The following MYCBP2 variants were observed in gnomAD, a reference collection of about 807,000 sequenced individuals.
MYCBP2 encodes the protein MYC binding protein 2, also known as E3 ubiquitin-protein ligase MYCBP2.
Under a neutral mutation model 525.3 loss-of-function variants are expected in MYCBP2, and 120 were observed. The observed-to-expected ratio is 0.23, with a 90% CI of 0.20 to 0.27. MYCBP2 has a LOEUF of 0.27. Among genes scored for constraint, MYCBP2 ranks in the 10% least tolerant of loss-of-function variants. The pLI, the probability that MYCBP2 is intolerant of heterozygous loss-of-function variation, is 1.00. For synonymous variants in MYCBP2, 1,894 were observed against 1,955.8 expected, an observed-to-expected ratio of 0.97 and a Z score of 0.83; for missense variants, 4,149 against 5,657.1, an observed-to-expected ratio of 0.73 and a Z score of 8.55.
In MYCBP2 at chr13:77,097,425, C is replaced by T; in HGVS notation, c.9729G>A (p.Leu3243=). The T allele has an allele frequency of 1.9e-6, 3 of 1,613,494 alleles. No homozygotes were observed. The highest frequency in any genetic ancestry group is 2.5e-6 in the Non-Finnish European group (3 of 1,179,694). ...GGPEKDTICE[L]CGESHPYPVT... The stretch of plus-strand genomic sequence containing the variant: ...CCGGGTATGGATGTGACTCCCCACA[C>T]AGTTCACAGATGGTATCTTTCTCTG... Residue 3243 remains leucine (L), a synonymous_variant, in exon 56 of 83, where the codon CTG becomes CTA. Coordinates refer to ENST00000544440, the MANE Select transcript of MYCBP2 (RefSeq NM_015057.5).
At chr13:77,200,595 T>C (rs1392876897) in intron 26 of MYCBP2, among the ~76,000 whole-genome samples, 3 of 152,062 alleles carry the variant, frequency 2.0e-5, no homozygotes, top group African/African-American at 4.8e-5. Flanking sequence ...AATTGTCAGA[T>C]TTACCAAAGT....
rs200043974 is a variant in MYCBP2 at position 77,056,098 on chromosome 13, T to TGG, written c.13438-333_13438-332dup. ...CCACAAATAAGACACGCTCTGTGTT[T>TGG]GGTGTGTGTGTGTGTGTGTGTGTGT... On this transcript the variant is annotated intron_variant, in intron 79 of 82. Coordinates refer to ENST00000544440, the MANE Select transcript of MYCBP2 (RefSeq NM_015057.5). Among the ~76,000 whole-genome samples the TGG allele has an allele frequency of 6.6e-3, 718 of 108,862 alleles. 12 individuals are homozygous for TGG. The highest frequency in any genetic ancestry group is 0.021 in the African/African-American group (593 of 27,964). 71.4% of individuals were successfully genotyped at this position (108,862 alleles called of 152,430 possible). A position where few individuals can be genotyped will look rare whatever the true frequency, so the allele number is the denominator to read the frequency against.
intron 55 of MYCBP2, among the ~76,000 whole-genome samples, chr13:77,112,847 A>G (rs1386648065): frequency 6.6e-6 from 1 of 152,190 alleles, no homozygotes; most frequent in Non-Finnish European, 1.5e-5. Context: ...CAACCTTGAT[A>G]TACTTTTTTT....
intron 23 of MYCBP2, among the ~76,000 whole-genome samples, chr13:77,208,089 A>G (rs1317574716): frequency 6.6e-6 from 1 of 151,962 alleles, no homozygotes; most frequent in Non-Finnish European, 1.5e-5. Context: ...TGGATTCAGT[A>G]AGCCTAATCA....
In MYCBP2 at chr13:77,098,760, C is replaced by T. The variant is rs1229191062; in HGVS notation, c.8394G>A (p.Leu2798=). The change falls in exon 56 of 83, where the codon TTG becomes TTA. Residue 2798 remains leucine, a synonymous_variant. Coordinates refer to ENST00000544440, the MANE Select transcript of MYCBP2 (RefSeq NM_015057.5). ...TAGAAGGCATCCTCCCATCAGATTT[C>T]AATGTCTGCAAGGTGTTATGGTTGG... The part of the protein sequence containing the change: ...LSPNHNTLQT[L]KSDGRMPSSS... 7.4e-6 allele frequency: 12 copies of T among 1,613,422 alleles called. No individual in the cohort carries two copies. The highest frequency in any genetic ancestry group is 1.0e-5 in the Non-Finnish European group (12 of 1,179,710).
chr13:77,051,448 G>A (rs891290863), intron 81 of MYCBP2, among the ~76,000 whole-genome samples: 2 of 152,014 alleles, frequency 1.3e-5, no homozygotes, highest in African/African-American at 4.8e-5. Context: ...TTTTATGGCT[G>A]GTCAAACTGA....
At chr13:77,093,395 A>C in intron 58 of MYCBP2, 63 bp from the exon 59 acceptor site, 1 of 1,412,072 alleles carries the variant, frequency 7.1e-7, no homozygotes, top group East Asian at 2.4e-5. Flanking sequence ...TCCATTTTTA[A>C]TCTCTTTCAT....
intron 26 of MYCBP2, among the ~76,000 whole-genome samples, chr13:77,196,957 G>T (rs902319740): frequency 2.2e-4 from 33 of 152,324 alleles, no homozygotes; most frequent in African/African-American, 6.7e-4. Flanking sequence ...ACATTTAGAA[G>T]TCAGGAAGAT....
chr13:77,257,623 T>A (rs2072481179), intron 14 of MYCBP2, 48 bp downstream of exon 14: 1 of 1,471,854 alleles, frequency 6.8e-7, no homozygotes, highest in African/African-American at 1.4e-5. Flanking sequence ...TCTGAAAAAC[T>A]AATGAAAAGA....
intron 55 of MYCBP2, among the ~76,000 whole-genome samples, chr13:77,120,234 G>T (rs928346778): frequency 6.6e-6 from 1 of 152,108 alleles, no homozygotes; most frequent in African/African-American, 2.4e-5. Flanking sequence ...TTTACACTAT[G>T]TAAGTACAAA....
At chr13:77,270,708 C>A (rs983809021) in intron 5 of MYCBP2, among the ~76,000 whole-genome samples, 170 bp from the exon 6 acceptor site, 3 of 152,156 alleles carry the variant, frequency 2.0e-5, no homozygotes, top group Non-Finnish European at 4.4e-5. Context: ...AGAAGCAAAT[C>A]TCAAGCAAGG....
chr13:77,276,778 C>T (rs2075643808), intron 4 of MYCBP2, among the ~76,000 whole-genome samples: 1 of 150,416 alleles, frequency 6.6e-6, no homozygotes, highest in African/African-American at 2.5e-5. Flanking sequence ...GCGGTCCTCC[C>T]ACCTTAGCCT....
chr13:77,270,203 T>A, intron 6 of MYCBP2, 93 bp downstream of exon 6: 1 of 1,459,646 alleles, frequency 6.9e-7, no homozygotes, highest in East Asian at 2.3e-5. Flanking sequence ...TAAAATTAGA[T>A]CATATTCTAG....
intron 69 of MYCBP2, among the ~76,000 whole-genome samples, chr13:77,069,388 C>T (rs776853825): frequency 2.6e-5 from 4 of 152,000 alleles, no homozygotes; most frequent in Non-Finnish European, 5.9e-5. Context: ...TTTGGGAGGC[C>T]GAGGCGGGCG....
At chr13:77,250,525 T>C (rs1250812372) in intron 15 of MYCBP2, among the ~76,000 whole-genome samples, 1 of 152,202 alleles carries the variant, frequency 6.6e-6, no homozygotes, top group East Asian at 1.9e-4. Flanking sequence ...ACTAGCAATG[T>C]AGAAAATAGA....
At chr13:77,089,255 C>T (rs1486198435) in intron 60 of MYCBP2, among the ~76,000 whole-genome samples, 1 of 152,030 alleles carries the variant, frequency 6.6e-6, no homozygotes, top group Non-Finnish European at 1.5e-5. Context: ...GGTTTTGAAT[C>T]AGAGCTGAAT....
At chr13:77,138,587 A>G (rs759584751) in intron 52 of MYCBP2, among the ~76,000 whole-genome samples, 7 of 152,220 alleles carry the variant, frequency 4.6e-5, no homozygotes, top group South Asian at 2.1e-4. Context: ...AGTGTGGGTT[A>G]TTATTATACT....
chr13:77,254,440 T>C (rs2071795444), intron 14 of MYCBP2, among the ~76,000 whole-genome samples: 1 of 151,880 alleles, frequency 6.6e-6, no homozygotes, highest in African/African-American at 2.4e-5. Flanking sequence ...TATTTCAATA[T>C]GTTCTGTACT....
rs751785432 is a variant in MYCBP2 at position 77,288,284 on chromosome 13, G to A, written c.471C>T (p.Cys157=). The A allele has an allele frequency of 2.1e-5, 34 of 1,613,994 alleles. No individual in the cohort carries two copies. The highest frequency in any genetic ancestry group is 2.5e-5 in the Non-Finnish European group (30 of 1,180,006). The change falls in exon 3 of 83, where the codon TGC becomes TGT. Residue 157 remains cysteine (C), a synonymous_variant. Coordinates refer to ENST00000544440, the MANE Select transcript of MYCBP2 (RefSeq NM_015057.5). ...AFNIYCNVRH[C]VLEWQKKEIS... ...TTTCCTTTTTCTGCCATTCCAGAAC[G>A]CAATGGCGTACATTACAGTAAATAT... is the stretch of plus-strand genomic sequence containing the variant.
Sources: allele counts gnomAD v4.1 joint callset (sites outside exome capture counted in the v4.1 genomes callset), GRCh38; gene constraint gnomAD v4.1.1; transcripts MANE v1.5; gene names NCBI Gene and HGNC (gene_info 2026-07-23, HGNC 2026-07-21).